CDKL5: variants seen among roughly 807,000 people sequenced by gnomAD.
CDKL5 encodes the protein cyclin dependent kinase like 5.
A neutral mutation model predicts 61.7 loss-of-function variants in CDKL5; 8 were observed. The observed-to-expected ratio is 0.13, with a 90% confidence interval of 0.08 to 0.23. CDKL5 has a LOEUF of 0.23. CDKL5 is among the 10% of genes least tolerant of loss of function. CDKL5 has a pLI of 1.00. For missense variants in CDKL5, 440 were observed against 734.5 expected (o/e 0.60, Z 4.63); for synonymous variants, 275 against 272.3 (o/e 1.01, Z -0.10).
chrX:18,581,860 T>C (rs758788556), intron 6 of CDKL5, 31 bp from the exon 7 acceptor site: 16 of 1,013,567 alleles, frequency 1.6e-5, no homozygotes, highest in Middle Eastern at 2.6e-4. Context: ...AGAACATTTT[T>C]ACTAATTTTT....
chrX:18,553,465 CGTGTGT>C lies in CDKL5; in HGVS notation c.100-10979_100-10974del, dbSNP rs201802099. Among the ~76,000 whole-genome samples, 410 of 90,819 alleles carry C rather than the reference CGTGTGT, an allele frequency of 4.5e-3. 3 individuals carry two copies. The highest frequency in any genetic ancestry group is 0.013 in the African/African-American group (329 of 24,981). The allele number at this position is 90,819 out of a possible 115,157, so 78.9% of individuals were successfully genotyped here. On this transcript the variant is annotated intron_variant, in intron 3 of 17. Transcript: ENST00000623535. ...GCTTGAAGGCAGTTGTGTGTGTGTG[CGTGTGT>C]GTGTGTGTGTGTGTGTGTGTGTGTG...
In CDKL5 at chrX:18,635,678, C is replaced by T. The variant is rs971765721; in HGVS notation, c.*6921C>T. 2.9e-6 allele frequency: 2 copies of T among 692,450 alleles called. No homozygotes were observed. The highest frequency in any genetic ancestry group is 2.4e-5 in the African/African-American group (1 of 42,187). 57.1% of individuals were successfully genotyped at this position (692,450 alleles called of 1,213,427 possible). On this transcript the variant is annotated 3_prime_UTR_variant, in exon 18 of 18. Coordinates refer to ENST00000623535, the MANE Select transcript of CDKL5 (RefSeq NM_001323289.2). ...TTTGTTTTATACTTGAGTGTTGTCA[C>T]CTTTGCACGTCGCTAGACACTCACG... is the stretch of plus-strand genomic sequence containing the variant.
intron 4 of CDKL5, among the ~76,000 whole-genome samples, chrX:18,569,835 A>G (rs922179121): frequency 9.0e-6 from 1 of 110,795 alleles, no homozygotes; most frequent in African/African-American, 3.3e-5. Flanking sequence ...GTGCATGGCA[A>G]GGAGGCTGAC....
chrX:18,445,100 C>T (rs1221663475), intron 1 of CDKL5, among the ~76,000 whole-genome samples: 9 of 91,852 alleles, frequency 9.8e-5, no homozygotes, highest in Admixed American at 1.3e-4. Context: ...TTTTTTGAGA[C>T]GGAGCCTTGC....
chrX:18,566,906 G>C (rs1443127929), intron 4 of CDKL5, among the ~76,000 whole-genome samples: 1 of 111,083 alleles, frequency 9.0e-6, no homozygotes, highest in African/African-American at 3.3e-5. Flanking sequence ...CCATCCCTCA[G>C]AGGCATGCAG....
intron 15 of CDKL5, among the ~76,000 whole-genome samples, chrX:18,614,981 T>C (rs1050982977): frequency 6.2e-5 from 7 of 112,705 alleles, no homozygotes; most frequent in African/African-American, 2.3e-4. Context: ...TAGTAATGTA[T>C]TATTTCTGTC....
chrX:18,597,780 G>C (rs1926050215), intron 10 of CDKL5, among the ~76,000 whole-genome samples: 1 of 109,083 alleles, frequency 9.2e-6, no homozygotes, highest in South Asian at 4.0e-4. Flanking sequence ...ATTTTTAGTA[G>C]AGACGGGTTT....
intron 1 of CDKL5, among the ~76,000 whole-genome samples, chrX:18,505,177 A>G (rs2147090714): frequency 9.0e-6 from 1 of 111,270 alleles, no homozygotes; most frequent in East Asian, 2.8e-4. Flanking sequence ...GTGTGTTAAT[A>G]TTTTATCATA....
chrX:18,496,501 TA>T lies in CDKL5; in HGVS notation c.-162-10431del, dbSNP rs924835281. 2.7e-5 allele frequency among the ~76,000 whole-genome samples: 3 copies of T among 111,647 alleles called. No homozygotes were observed. The East Asian group carries it at 8.5e-4, about 32-fold the overall frequency. The stretch of plus-strand genomic sequence containing the variant: ...ATGGTAAATGTCTCTTTTCAGACCT[TA>T]AAGGTGTCAGGCTCTCAGTTAATGT... On this transcript the variant is annotated intron_variant, in intron 1 of 17. Coordinates refer to ENST00000623535, the MANE Select transcript of CDKL5 (RefSeq NM_001323289.2).
At chrX:18,605,511 C>G (rs766183393) in intron 12 of CDKL5, among the ~76,000 whole-genome samples, 1 of 111,618 alleles carries the variant, frequency 9.0e-6, no homozygotes, top group African/African-American at 3.3e-5. Context: ...TCACTTGAAC[C>G]TGGGAGGCAG....
At chrX:18,508,073 C>G (rs1922649991) in intron 2 of CDKL5, among the ~76,000 whole-genome samples, 1 of 111,755 alleles carries the variant, frequency 8.9e-6, no homozygotes, top group South Asian at 3.7e-4. Flanking sequence ...GATTTTTGCT[C>G]TAGACTTAAA....
chrX:18,571,752 C>G (rs758629655), intron 4 of CDKL5, among the ~76,000 whole-genome samples: 10 of 111,253 alleles, frequency 9.0e-5, no homozygotes, highest in Non-Finnish European at 1.7e-4. Flanking sequence ...AGGATGTACC[C>G]AGTAATAATG....
intron 1 of CDKL5, among the ~76,000 whole-genome samples, chrX:18,494,265 G>T: frequency 9.4e-6 from 1 of 106,623 alleles, no homozygotes. Context: ...CTTTTTTTTT[G>T]GGGACAAAGT....
At chrX:18,567,350 A>T (rs2147134162) in intron 4 of CDKL5, among the ~76,000 whole-genome samples, 1 of 112,302 alleles carries the variant, frequency 8.9e-6, no homozygotes, top group South Asian at 3.7e-4. Context: ...AGCTCTCATT[A>T]ATCCCCTTTA....
intron 4 of CDKL5, among the ~76,000 whole-genome samples, chrX:18,567,701 C>T (rs142103084): frequency 0.017 from 1,879 of 111,222 alleles, 47 homozygotes; most frequent in African/African-American, 0.058. Flanking sequence ...GGCAACATGG[C>T]GAGACCCTGT....
intron 1 of CDKL5, among the ~76,000 whole-genome samples, chrX:18,498,290 A>G (rs191669554): frequency 8.1e-4 from 91 of 112,542 alleles, no homozygotes; most frequent in African/African-American, 2.9e-3. Context: ...TGTATATAAA[A>G]GAAACAATGC....
In CDKL5 at chrX:18,581,875, T is replaced by TA. The variant is rs1195790581; in HGVS notation, c.404-15dup. ...AGAACATTTTTACTAATTTTTTTTTTATCTTGACACTCCAGATATAAAACC... is the reference window on the plus strand; with the variant it reads ...AGAACATTTTTACTAATTTTTTTTTTAATCTTGACACTCCAGATATAAAACC... On this transcript the variant is annotated splice_polypyrimidine_tract_variant and intron_variant, in intron 6 of 17. Transcript: ENST00000623535. The TA allele has an allele frequency of 3.6e-5, 41 of 1,141,610 alleles. No homozygotes were observed. The highest frequency in any genetic ancestry group is 4.9e-5 in the Non-Finnish European group (41 of 834,050). The allele number at this position is 1,141,610 out of a possible 1,213,427, so 94.1% of individuals were successfully genotyped here. A position where few individuals can be genotyped will look rare whatever the true frequency, so the allele number is the denominator to read the frequency against.
At chrX:18,445,403 C>T (rs949253705) in intron 1 of CDKL5, among the ~76,000 whole-genome samples, 7 of 111,952 alleles carry the variant, frequency 6.3e-5, no homozygotes, top group African/African-American at 1.6e-4. Flanking sequence ...CTCTGCACAG[C>T]GCTGGGCTGG....
In CDKL5 at chrX:18,629,807, C is replaced by T. The variant is rs905756320; in HGVS notation, c.*1050C>T. On this transcript the variant is annotated 3_prime_UTR_variant, in exon 18 of 18. Coordinates refer to ENST00000623535, the MANE Select transcript of CDKL5 (RefSeq NM_001323289.2). ...TGTGTCCAGGGACGTTACTTGCACA[C>T]AGGGGAGAATAGATTGAGGCGTTAC... 6.6e-6 allele frequency: 5 copies of T among 754,230 alleles called. No homozygotes were observed. Among genetic ancestry groups the T allele is most frequent in the Non-Finnish European group, 7.8e-6 (5 of 639,185 alleles). The allele number at this position is 754,230 out of a possible 1,213,427, so 62.2% of individuals were successfully genotyped here.
Sources: allele counts gnomAD v4.1 joint callset (sites outside exome capture counted in the v4.1 genomes callset), GRCh38; gene constraint gnomAD v4.1.1; transcripts MANE v1.5; gene names NCBI Gene and HGNC (gene_info 2026-07-23, HGNC 2026-07-21).